The following PRKCE variants were observed in gnomAD, a reference collection of about 807,000 sequenced individuals.
The protein encoded by PRKCE is protein kinase C epsilon type.
PRKCE carries 16 observed loss-of-function variants against 85.4 expected under a neutral mutation model. That is an observed-to-expected ratio of 0.19 (90% CI 0.13 to 0.28). PRKCE has a LOEUF of 0.28. PRKCE is among the 10% of genes least tolerant of loss of function. PRKCE has a pLI of 1.00. For synonymous variants in PRKCE, 388 were observed against 371.5 expected (o/e 1.04, Z -0.51); for missense variants, 573 against 975.2 (o/e 0.59, Z 5.49).
chr2:45,918,642 T>C (rs917218708), intron 2 of PRKCE, among the ~76,000 whole-genome samples: 1 of 152,220 alleles, frequency 6.6e-6, no homozygotes, highest in East Asian at 1.9e-4. Context: ...TGAAGCTTTA[T>C]GGTTGTATAT....
In PRKCE at chr2:46,137,486, C is replaced by T. The variant is rs564120475; in HGVS notation, c.1593-7607C>T. On this transcript the variant is annotated intron_variant, in intron 11 of 14. Transcript: ENST00000306156. ...AGTTTGTTTGCTGGGCACGGTGGCT[C>T]ATGCCTGTAATCCTAGCACTTCGGG... Among the ~76,000 whole-genome samples, 221 of 151,852 alleles carry T rather than the reference C, an allele frequency of 1.5e-3. 7 individuals carry two copies. The South Asian group carries it at 0.044, about 30-fold the overall frequency.
chr2:45,717,898 C>T (rs1185233778), intron 1 of PRKCE, among the ~76,000 whole-genome samples: 5 of 152,130 alleles, frequency 3.3e-5, no homozygotes, highest in Non-Finnish European at 5.9e-5. Context: ...GCATTTGTGC[C>T]CCAGCCCCAT....
At chr2:45,768,850 G>T (rs530257598) in intron 1 of PRKCE, among the ~76,000 whole-genome samples, 46 of 152,254 alleles carry the variant, frequency 3.0e-4, no homozygotes, top group African/African-American at 1.1e-3. Flanking sequence ...TCCAAATGTT[G>T]TGTCTCCACC....
Position 45,774,768 on chromosome 2 carries a change from A to G in PRKCE, c.349-68232A>G, listed in dbSNP as rs1480523683. On this transcript the variant is annotated intron_variant, in intron 1 of 14. Transcript: ENST00000306156. The surrounding 1 kb of genome is among the most constrained non-coding windows in gnomAD (Gnocchi z 4.3). ...CTGACTTTGACTCTTTCCTGGAGGG[A>G]CCCACCCAAGCTGCACATTCCCAGG... is the stretch of plus-strand genomic sequence containing the variant. 6.6e-6 allele frequency among the ~76,000 whole-genome samples: 1 copy of G among 151,718 alleles called. No homozygotes were observed. Among genetic ancestry groups the G allele is most frequent in the African/African-American group, 2.4e-5 (1 of 41,312 alleles).
At chr2:46,060,532 G>T (rs1667009734) in intron 10 of PRKCE, among the ~76,000 whole-genome samples, 1 of 152,146 alleles carries the variant, frequency 6.6e-6, no homozygotes, top group South Asian at 2.1e-4. Flanking sequence ...ACCAGAGAAG[G>T]AAAACAGTAC....
intron 1 of PRKCE, among the ~76,000 whole-genome samples, chr2:45,776,558 CT>C (rs1685763437): frequency 2.0e-5 from 3 of 152,204 alleles, no homozygotes; most frequent in Admixed American, 1.3e-4. Context: ...TGATCTTAAG[CT>C]CAGTATTTTC....
chr2:45,958,892 T>C (rs1701195252), intron 2 of PRKCE, among the ~76,000 whole-genome samples: 1 of 132,810 alleles, frequency 7.5e-6, no homozygotes, highest in Non-Finnish European at 1.6e-5. Context: ...CAACAGGAAA[T>C]GTGTTTTGCC....
intron 2 of PRKCE, among the ~76,000 whole-genome samples, chr2:45,929,774 A>T (rs963337900): frequency 6.8e-6 from 1 of 147,024 alleles, no homozygotes; most frequent in Non-Finnish European, 1.5e-5. Flanking sequence ...TGCATCTTTC[A>T]TGTGTTTCTC....
At chr2:45,679,937 C>G (rs915171658) in intron 1 of PRKCE, among the ~76,000 whole-genome samples, 1 of 152,252 alleles carries the variant, frequency 6.6e-6, no homozygotes, top group Non-Finnish European at 1.5e-5. Flanking sequence ...AACCTAGGCT[C>G]TGCCCTGTCT....
At chr2:45,836,909 A>T (rs1237699990) in intron 1 of PRKCE, among the ~76,000 whole-genome samples, 3 of 152,186 alleles carry the variant, frequency 2.0e-5, no homozygotes, top group East Asian at 3.8e-4. Context: ...TTTGTGCCTG[A>T]CAGCAGATGG....
At chr2:45,735,862 G>T (rs6740453) in intron 1 of PRKCE, among the ~76,000 whole-genome samples, 19,307 of 152,256 alleles carry the variant, frequency 0.13, 2,076 homozygotes, top group African/African-American at 0.3. Flanking sequence ...GGGTTGTGGA[G>T]AAAGGAAATT....
At chr2:45,733,380 AAC>A (rs1681756900) in intron 1 of PRKCE, among the ~76,000 whole-genome samples, 1 of 152,214 alleles carries the variant, frequency 6.6e-6, no homozygotes, top group African/African-American at 2.4e-5. Flanking sequence ...GAGCACAGAA[AAC>A]AGATAAGGTC....
chr2:45,849,539 G>T (rs986499466), intron 2 of PRKCE, among the ~76,000 whole-genome samples: 7 of 152,046 alleles, frequency 4.6e-5, no homozygotes, highest in African/African-American at 1.7e-4. Context: ...AGAGGTTAAG[G>T]AGAGCCTCCA....
chr2:46,171,511 T>C lies in PRKCE; in HGVS notation c.2067+11759T>C, dbSNP rs72881608. Among the ~76,000 whole-genome samples, 187 of 152,324 alleles carry C rather than the reference T, an allele frequency of 1.2e-3. 2 individuals are homozygous for C. Among genetic ancestry groups the C allele is most frequent in the African/African-American group, 4.2e-3 (174 of 41,570 alleles). On this transcript the variant is annotated intron_variant, in intron 14 of 14. Transcript: ENST00000306156. Reference sequence around the variant, plus strand: ...ATTGATGCCTCCCGGCAGTTCATCATGGGAGGCAGGATAGTACATGCCAGG... The same window carrying C: ...ATTGATGCCTCCCGGCAGTTCATCACGGGAGGCAGGATAGTACATGCCAGG...
At chr2:46,056,533 A>G (rs1340595461) in intron 10 of PRKCE, among the ~76,000 whole-genome samples, 1 of 152,238 alleles carries the variant, frequency 6.6e-6, no homozygotes, top group African/African-American at 2.4e-5. Flanking sequence ...CTTAAAAGGT[A>G]TTGCGTTGAT....
chr2:45,660,232 C>T (rs1675575936), intron 1 of PRKCE, among the ~76,000 whole-genome samples: 1 of 152,162 alleles, frequency 6.6e-6, no homozygotes, highest in South Asian at 2.1e-4. Flanking sequence ...ATTTCTTAAA[C>T]AATCCTTCTG....
At chr2:45,855,902 T>C (rs1432471691) in intron 2 of PRKCE, among the ~76,000 whole-genome samples, 12 of 152,100 alleles carry the variant, frequency 7.9e-5, no homozygotes, top group African/African-American at 2.4e-4. Flanking sequence ...CCCCTAACAC[T>C]GACCTACCTT....
chr2:45,940,443 T>C (rs1699790904), intron 2 of PRKCE, among the ~76,000 whole-genome samples: 2 of 152,264 alleles, frequency 1.3e-5, no homozygotes, highest in African/African-American at 4.8e-5. Context: ...ATAATTTATA[T>C]GAAAACATTT....
chr2:46,058,080 T>A (rs1289091232), intron 10 of PRKCE, among the ~76,000 whole-genome samples: 1 of 152,254 alleles, frequency 6.6e-6, no homozygotes, highest in East Asian at 1.9e-4. Context: ...GGCAAATTCA[T>A]AGTTTCCTCT....
Sources: allele counts gnomAD v4.1 joint callset (sites outside exome capture counted in the v4.1 genomes callset), GRCh38; gene constraint gnomAD v4.1.1; non-coding constraint Gnocchi (gnomAD v3.1); transcripts MANE v1.5; gene names NCBI Gene and HGNC (gene_info 2026-07-23, HGNC 2026-07-21).